PRKAA1: variants seen among roughly 807,000 people sequenced by gnomAD.
PRKAA1 encodes the protein 5'-AMP-activated protein kinase catalytic subunit alpha-1.
A neutral mutation model predicts 56.9 loss-of-function variants in PRKAA1; 23 were observed. The ratio of observed to expected loss-of-function variants is 0.40; its 90% CI spans 0.29 to 0.57. The LOEUF is 0.57. PRKAA1 is among the 20% of genes least tolerant of loss of function. The pLI is 0.39. For missense variants in PRKAA1, 413 were observed against 679.7 expected (o/e 0.61, Z 4.36); for synonymous variants, 226 against 227.0 (o/e 1.00, Z 0.04).
At chr5:40,769,331 T>C in intron 5 of PRKAA1, 85 bp downstream of exon 5, 1 of 1,061,118 alleles carries the variant, frequency 9.4e-7, no homozygotes, top group Non-Finnish European at 1.4e-6. Flanking sequence ...TTCATTAGAA[T>C]TAAATATGAC....
chr5:40,792,232 T>C (rs1461962168), intron 1 of PRKAA1, among the ~76,000 whole-genome samples: 2 of 152,240 alleles, frequency 1.3e-5, no homozygotes, highest in African/African-American at 4.8e-5. Flanking sequence ...TGTTCTACTT[T>C]TTCCTCTTAA....
chr5:40,798,218 G>A lies in PRKAA1; in HGVS notation c.-29C>T, dbSNP rs770232644. ...GCTGCGGGAGGGGGCGGAGGGGGCG[G>A]GCAGGGCCGCGCCGGGGGCGGGCGG... On this transcript the variant is annotated 5_prime_UTR_variant, in exon 1 of 9. Coordinates refer to ENST00000397128, the MANE Select transcript of PRKAA1 (RefSeq NM_006251.6). 3 of 480,800 alleles carry A rather than the reference G, an allele frequency of 6.2e-6. No individual in the cohort carries two copies. Among genetic ancestry groups the A allele is most frequent in the South Asian group, 4.2e-5 (2 of 47,936 alleles). 29.8% of individuals were successfully genotyped at this position (480,800 alleles called of 1,614,324 possible).
chr5:40,774,991 T>C, intron 3 of PRKAA1: 1 of 1,582,880 alleles, frequency 6.3e-7, no homozygotes, highest in Non-Finnish European at 8.7e-7. Flanking sequence ...AAAAAATGAA[T>C]GCAATTTAAA....
At chr5:40,795,414 T>TA (rs1258420570) in intron 1 of PRKAA1, among the ~76,000 whole-genome samples, 3 of 151,886 alleles carry the variant, frequency 2.0e-5, no homozygotes, top group African/African-American at 7.2e-5. Flanking sequence ...AAACAAATTT[T>TA]AAAAAAAAGA....
At chr5:40,769,848 A>C (rs1743637792) in intron 4 of PRKAA1, among the ~76,000 whole-genome samples, 1 of 150,802 alleles carries the variant, frequency 6.6e-6, no homozygotes. Flanking sequence ...ATTAAAATTC[A>C]AAGTTCCTAT....
intron 8 of PRKAA1, among the ~76,000 whole-genome samples, chr5:40,763,495 A>G (rs867027886): frequency 6.6e-6 from 1 of 151,878 alleles, no homozygotes. Flanking sequence ...CTAGAACCCA[A>G]CTCTCCTAAG....
At position 40,777,477 on chromosome 5, in the gene PRKAA1, G is replaced by C. The variant is rs763049385; in HGVS notation, c.237C>G (p.Leu79=). 9 of 1,613,558 alleles carry C rather than the reference G, an allele frequency of 5.6e-6. No individual in the cohort carries two copies. Among genetic ancestry groups the C allele is most frequent in the Non-Finnish European group, 7.6e-6 (9 of 1,179,480 alleles). The stretch of plus-strand genomic sequence containing the variant: ...TTATATGAGGATGCCTGAAAAGCTT[G>C]AGGTTCTGAATTTCTCTGCGGATTT... ...VGKIRREIQN[L]KLFRHPHIIK... Residue 79 remains leucine, a synonymous_variant, in exon 2 of 9, where the codon CTC becomes CTG. Coordinates refer to ENST00000397128, the MANE Select transcript of PRKAA1 (RefSeq NM_006251.6).
intron 1 of PRKAA1, 74 bp downstream of exon 1, chr5:40,797,989 G>A: frequency 1.3e-6 from 2 of 1,573,100 alleles, no homozygotes; most frequent in Non-Finnish European, 1.7e-6. Flanking sequence ...GGCGGGGGAG[G>A]ATGAAGAGGT....
At chr5:40,764,223 T>C in intron 8 of PRKAA1, 1 of 204,184 alleles carries the variant, frequency 4.9e-6, no homozygotes, top group Non-Finnish European at 9.8e-6. Context: ...CTTATCAAAA[T>C]GAACTACACC....
intron 1 of PRKAA1, among the ~76,000 whole-genome samples, 200 bp downstream of exon 1, chr5:40,797,863 C>T (rs1745005651): frequency 1.3e-5 from 2 of 152,090 alleles, no homozygotes. Flanking sequence ...GCCCCTACCC[C>T]ACCCCCACCC....
In PRKAA1 at chr5:40,762,983, T is replaced by C; in HGVS notation, c.1475A>G (p.Gln492Arg). The change falls in exon 9 of 9, where the codon CAG becomes CGG. Residue 492 changes from glutamine (Q) to arginine (R), a missense_variant. Transcript: ENST00000397128. ...ATAGTTGCTAACTGATCCCGATCTC[T>C]GTGGAGTAGCAGTCCCTGATTTGGC... is the stretch of plus-strand genomic sequence containing the variant. ...TEAKSGTATP[Q>R]RSGSVSNYRS... is the part of the protein sequence containing the mutation. The C allele has an allele frequency of 6.2e-7, 1 of 1,613,932 alleles. No individual in the cohort carries two copies. The highest frequency in any genetic ancestry group is 8.5e-7 in the Non-Finnish European group (1 of 1,179,790).
intron 1 of PRKAA1, 131 bp from the exon 2 acceptor site, chr5:40,777,717 T>A: frequency 1.2e-6 from 1 of 823,536 alleles, no homozygotes; most frequent in East Asian, 3.0e-5. Context: ...GTAGATCACT[T>A]GAGGTCAGGA....
At chr5:40,786,082 C>A (rs1744471091) in intron 1 of PRKAA1, among the ~76,000 whole-genome samples, 1 of 152,034 alleles carries the variant, frequency 6.6e-6, no homozygotes, top group South Asian at 2.1e-4. Flanking sequence ...TGGCGAAACT[C>A]CATCTCTACT....
chr5:40,795,551 G>A (rs527863900), intron 1 of PRKAA1, among the ~76,000 whole-genome samples: 30 of 152,116 alleles, frequency 2.0e-4, no homozygotes, highest in Non-Finnish European at 4.1e-4. Context: ...CTGGCACATG[G>A]CATTCCTAGC....
Position 40,767,465 on chromosome 5 carries a change from C to A in PRKAA1, c.821+1G>T. ...TGATAACTTCCAAACTGCTTTATTA[C>A]CTGATATCTTTGATTGTGGCCCTCT... On this transcript the variant is annotated splice_donor_variant, in intron 6 of 8. Coordinates refer to ENST00000397128, the MANE Select transcript of PRKAA1 (RefSeq NM_006251.6). LOFTEE classifies it high-confidence loss of function. The A allele has an allele frequency of 6.2e-7, 1 of 1,603,482 alleles. No homozygotes were observed.
rs183137075 is a variant in PRKAA1 at position 40,760,452 on chromosome 5, C to T, written c.*2326G>A. 164 of 152,786 alleles carry T rather than the reference C, an allele frequency of 1.1e-3. 2 individuals carry two copies. Among genetic ancestry groups the T allele is most frequent in the African/African-American group, 3.0e-3 (124 of 41,546 alleles). The allele number at this position is 152,786 out of a possible 1,614,324, so 9.5% of individuals were successfully genotyped here. On this transcript the variant is annotated 3_prime_UTR_variant, in exon 9 of 9. Coordinates refer to ENST00000397128, the MANE Select transcript of PRKAA1 (RefSeq NM_006251.6). ...CCCCTCCCCACAACAGCGTATATAG[C>T]GCCATTACTTAATTCCATATACAAA...
At position 40,772,057 on chromosome 5, in the gene PRKAA1, A is replaced by G. The variant is rs1743772649; in HGVS notation, c.364-194T>C. Among the ~76,000 whole-genome samples the G allele has an allele frequency of 2.0e-5, 3 of 152,214 alleles. No homozygotes were observed. In the South Asian group the frequency reaches 6.2e-4, roughly 32 times the overall value. On this transcript the variant is annotated intron_variant, in intron 3 of 8. Transcript: ENST00000397128. ...AATGCTAAGATGGTCTTGGAACCCAAATCAGTAACTCAAGTTTCTAATATT... is the reference window on the plus strand; with the variant it reads ...AATGCTAAGATGGTCTTGGAACCCAGATCAGTAACTCAAGTTTCTAATATT...
In PRKAA1 at chr5:40,761,769, AAT is replaced by A. The variant is rs1198329392; in HGVS notation, c.*1007_*1008del. On this transcript the variant is annotated 3_prime_UTR_variant, in exon 9 of 9. Coordinates refer to ENST00000397128, the MANE Select transcript of PRKAA1 (RefSeq NM_006251.6). ...AGGAATTTGTGAAATTGGCAAAAAT[AAT>A]ATGATTTATCTACAGTATATGCAAC... is the stretch of plus-strand genomic sequence containing the variant. The A allele has an allele frequency of 1.3e-5, 2 of 152,384 alleles. No homozygotes were observed. The highest frequency in any genetic ancestry group is 2.4e-5 in the African/African-American group (1 of 41,468). 9.4% of individuals were successfully genotyped at this position (152,384 alleles called of 1,614,324 possible). A position where few individuals can be genotyped will look rare whatever the true frequency, so the allele number is the denominator to read the frequency against.
intron 5 of PRKAA1, 113 bp from the exon 6 acceptor site, chr5:40,767,803 T>A: frequency 1.2e-6 from 1 of 838,076 alleles, no homozygotes; most frequent in Non-Finnish European, 1.9e-6. Context: ...AATATGGTTT[T>A]TATAGCCACT....
Sources: gnomAD v4.1 joint callset for allele counts (sites outside exome capture counted in the v4.1 genomes callset) on GRCh38, gnomAD v4.1.1 for gene constraint, MANE v1.5 for transcripts, NCBI Gene and HGNC (gene_info 2026-07-23, HGNC 2026-07-21) for gene names.